FOXRED1: variants seen among roughly 807,000 people sequenced by gnomAD.
FOXRED1 encodes FAD dependent oxidoreductase domain containing 1.
FOXRED1 carries 52 observed loss-of-function variants against 57.8 expected under a neutral mutation model. That is an observed-to-expected ratio of 0.90 (90% confidence interval 0.72 to 1.13). The LOEUF (loss-of-function observed/expected upper bound fraction) is 1.13. Among genes scored for constraint, FOXRED1 ranks in the 50% most tolerant of loss-of-function variants. The probability of loss-of-function intolerance (pLI) is 0.00; values close to 1 mark genes in which losing one functional copy is unlikely to be tolerated. For synonymous variants in FOXRED1, 271 were observed against 248.3 expected (o/e 1.09, Z -0.86); for missense variants, 589 against 625.2 (o/e 0.94, Z 0.62).
In FOXRED1 at chr11:126,273,625, A is replaced by G. The variant is rs1951052597; in HGVS notation, c.536+171A>G. The G allele has an allele frequency of 1.5e-6, 1 of 670,860 alleles. No individual in the cohort carries two copies. The highest frequency in any genetic ancestry group is 1.8e-5 in the African/African-American group (1 of 56,498). 41.6% of individuals were successfully genotyped at this position (670,860 alleles called of 1,614,324 possible). On this transcript the variant is annotated intron_variant, in intron 4 of 10. Coordinates refer to ENST00000263578, the MANE Select transcript of FOXRED1 (RefSeq NM_017547.4). The surrounding 1 kb of genome is among the most constrained non-coding windows in gnomAD (Gnocchi z 5.9). The stretch of plus-strand genomic sequence containing the variant: ...ACCTGCAATGCCCTGGGAGTGCTGT[A>G]CCACAGATATGGACAAAACACTGCG...
intron 1 of FOXRED1, chr11:126,270,809 T>G (rs1323540778): frequency 6.4e-6 from 1 of 157,366 alleles, no homozygotes; most frequent in Non-Finnish European, 1.4e-5. Flanking sequence ...TGTAAACATG[T>G]TCACAGCAGG....
Position 126,274,876 on chromosome 11 carries a change from T to G in FOXRED1, c.537-51T>G, listed in dbSNP as rs1476824737. The G allele has an allele frequency of 2.8e-6, 3 of 1,077,232 alleles. No individual in the cohort carries two copies. In the Admixed American group the frequency reaches 5.1e-5, roughly 18 times the overall value. The allele number at this position is 1,077,232 out of a possible 1,614,324, so 66.7% of individuals were successfully genotyped here. On this transcript the variant is annotated intron_variant, in intron 4 of 10. Transcript: ENST00000263578. The surrounding 1 kb of genome is among the most constrained non-coding windows in gnomAD (Gnocchi z 4.8). ...AGTTGGGGTCCATACATCATCCCCC[T>G]GCACACTCCCCTCTCTGACACACAT... is the stretch of plus-strand genomic sequence containing the variant.
In FOXRED1 at chr11:126,275,282, A is replaced by G. The variant is rs1158750467; in HGVS notation, c.632-45A>G. ...GGCACAGGAAATACAATCCAAGAGCAGAAGTCCTCATCCCTCTTTGTGAGT... is the reference window on the plus strand; with the variant it reads ...GGCACAGGAAATACAATCCAAGAGCGGAAGTCCTCATCCCTCTTTGTGAGT... On this transcript the variant is annotated intron_variant, in intron 5 of 10. Coordinates refer to ENST00000263578, the MANE Select transcript of FOXRED1 (RefSeq NM_017547.4). This position sits in a 1 kb window ranked among gnomAD's most constrained non-coding sequence, Gnocchi z 5.9. The G allele has an allele frequency of 1.5e-6, 2 of 1,362,650 alleles. No homozygotes were observed. Among genetic ancestry groups the G allele is most frequent in the Admixed American group, 1.7e-5 (1 of 59,710 alleles). The allele number at this position is 1,362,650 out of a possible 1,614,324, so 84.4% of individuals were successfully genotyped here.
At chr11:126,276,274 G>A (rs1355681440) in intron 8 of FOXRED1, 55 bp downstream of exon 8, 47 of 127,000 alleles carry the variant, frequency 3.7e-4, no homozygotes, top group Non-Finnish European at 5.2e-4. Context: ...AAATGACATC[G>A]AAGTTGGATA....
chr11:126,273,446 A>G lies in FOXRED1; in HGVS notation c.528A>G (p.Lys176=). Reference sequence around the variant, plus strand: ...CTGCAGCCATGGAGAGCAACGTGAAAGTGCAGAGGTGGGTGCCTGGCACAG... The same window carrying G: ...CTGCAGCCATGGAGAGCAACGTGAAGGTGCAGAGGTGGGTGCCTGGCACAG... ...KDAAAMESNV[K]VQRQEGAKVS... The change falls in exon 4 of 11, where the codon AAA becomes AAG. Residue 176 remains lysine (K), a synonymous_variant. Coordinates refer to ENST00000263578, the MANE Select transcript of FOXRED1 (RefSeq NM_017547.4). The surrounding 1 kb of genome is among the most constrained non-coding windows in gnomAD (Gnocchi z 5.9). 1 of 1,610,898 alleles carries G rather than the reference A, an allele frequency of 6.2e-7. No homozygotes were observed. Among genetic ancestry groups the G allele is most frequent in the East Asian group, 2.2e-5 (1 of 44,882 alleles).
Position 126,273,061 on chromosome 11 carries a change from C to G in FOXRED1, c.399C>G (p.Ser133Arg), listed in dbSNP as rs1174384407. The G allele has an allele frequency of 6.3e-7, 1 of 1,585,306 alleles. No individual in the cohort carries two copies. The highest frequency in any genetic ancestry group is 8.7e-7 in the Non-Finnish European group (1 of 1,153,724). ...TCCAGCTCTCCCTCTTTTCAGCCAG[C>G]TTTCTACGGAACATCAATGTAGGTG... is the stretch of plus-strand genomic sequence containing the variant. ...ENIQLSLFSA[S>R]FLRNINEYLA... Residue 133 changes from serine to arginine, a missense_variant, in exon 3 of 11, where the codon AGC (serine) becomes AGG (arginine). Physicochemically the swap from Ser to Arg is moderately radical, Grantham distance 110. Coordinates refer to ENST00000263578, the MANE Select transcript of FOXRED1 (RefSeq NM_017547.4). This position sits in a 1 kb window ranked among gnomAD's most constrained non-coding sequence, Gnocchi z 5.9.
At position 126,276,068 on chromosome 11, in the gene FOXRED1, G is replaced by T; in HGVS notation, c.820G>T (p.Asp274Tyr). Reference protein sequence around the residue: ...KRIHEVHVKMDRSLEYQPVEC... With the variant: ...KRIHEVHVKMYRSLEYQPVEC... ...CCTCTGGTGTCTGCAGGTGAAGATG[G>T]ACCGCAGCCTGGAGTACCAGCCTGT... is the stretch of plus-strand genomic sequence containing the variant. The change falls in exon 8 of 11, where the codon GAC becomes TAC. Residue 274 changes from aspartate to tyrosine, a missense_variant. By Grantham distance (160) the Asp-to-Tyr change is radical. Transcript: ENST00000263578. 6.2e-7 allele frequency: 1 copy of T among 1,612,870 alleles called. No individual in the cohort carries two copies. Among genetic ancestry groups the T allele is most frequent in the Non-Finnish European group, 8.5e-7 (1 of 1,180,002 alleles).
Position 126,271,941 on chromosome 11 carries a change from A to G in FOXRED1, c.306+284A>G, listed in dbSNP as rs1950998621. The G allele has an allele frequency of 2.4e-6, 1 of 414,898 alleles. No homozygotes were observed. The highest frequency in any genetic ancestry group is 4.5e-6 in the Non-Finnish European group (1 of 222,110). 25.7% of individuals were successfully genotyped at this position (414,898 alleles called of 1,614,324 possible). A position where few individuals can be genotyped will look rare whatever the true frequency, so the allele number is the denominator to read the frequency against. The stretch of plus-strand genomic sequence containing the variant: ...TCATGAGAGCCTGCATTCAAGCTAT[A>G]ATTAAGTGTCTCAATTTTCTCTTTT... On this transcript the variant is annotated intron_variant, in intron 2 of 10. Transcript: ENST00000263578. The surrounding 1 kb of genome is among the most constrained non-coding windows in gnomAD (Gnocchi z 5.3).
intron 1 of FOXRED1, among the ~76,000 whole-genome samples, chr11:126,270,459 G>A (rs634696): frequency 0.73 from 110,695 of 152,190 alleles, 41,325 homozygotes; most frequent in East Asian, 1. Context: ...ACAAACTGCA[G>A]TTGTGTCCAA....
Position 126,273,380 on chromosome 11 carries a change from C to T in FOXRED1, c.462C>T (p.Phe154=). The T allele has an allele frequency of 6.2e-7, 1 of 1,614,032 alleles. No homozygotes were observed. The highest frequency in any genetic ancestry group is 8.5e-7 in the Non-Finnish European group (1 of 1,180,006). The change falls in exon 4 of 11, where the codon TTC becomes TTT. Residue 154 remains phenylalanine (F), a synonymous_variant. Coordinates refer to ENST00000263578, the MANE Select transcript of FOXRED1 (RefSeq NM_017547.4). This position sits in a 1 kb window ranked among gnomAD's most constrained non-coding sequence, Gnocchi z 5.9. ...ATGCTCCTCCCCTGGACCTCCGGTTCAACCCCTCGGGCTACCTCTTGCTGG... is the reference window on the plus strand; with the variant it reads ...ATGCTCCTCCCCTGGACCTCCGGTTTAACCCCTCGGGCTACCTCTTGCTGG... ...VVDAPPLDLR[F]NPSGYLLLAS...
At position 126,277,189 on chromosome 11, in the gene FOXRED1, G is replaced by A; in HGVS notation, c.1206+14G>A. The A allele has an allele frequency of 1.3e-6, 2 of 1,540,300 alleles. No homozygotes were observed. Among genetic ancestry groups the A allele is most frequent in the South Asian group, 1.1e-5 (1 of 89,620 alleles). Reference sequence around the variant, plus strand: ...GAGACTCTGAAGGTAACTGGCAAGGGCTGGTTTTCCTTTTTATTTTTGGAC... The same window carrying A: ...GAGACTCTGAAGGTAACTGGCAAGGACTGGTTTTCCTTTTTATTTTTGGAC... On this transcript the variant is annotated intron_variant, in intron 10 of 10. Transcript: ENST00000263578. This position sits in a 1 kb window ranked among gnomAD's most constrained non-coding sequence, Gnocchi z 6.8.
In FOXRED1 at chr11:126,273,768, C is replaced by G; in HGVS notation, c.536+314C>G. The G allele has an allele frequency of 2.5e-6, 1 of 395,790 alleles. No individual in the cohort carries two copies. The highest frequency in any genetic ancestry group is 2.3e-5 in the South Asian group (1 of 44,090). 24.5% of individuals were successfully genotyped at this position (395,790 alleles called of 1,614,324 possible). On this transcript the variant is annotated intron_variant, in intron 4 of 10. Coordinates refer to ENST00000263578, the MANE Select transcript of FOXRED1 (RefSeq NM_017547.4). The surrounding 1 kb of genome is among the most constrained non-coding windows in gnomAD (Gnocchi z 5.9). ...TGGGTTTTTAACAAGAACCTTAAGT[C>G]AGGAGTTAGCAAACTTTTTCTGTAA...
At chr11:126,276,778 A>G (rs1951161520) in intron 9 of FOXRED1, 2 of 483,310 alleles carry the variant, frequency 4.1e-6, no homozygotes, top group African/African-American at 2.0e-5. Flanking sequence ...TGGGAGGCTG[A>G]GGCAGGAGAA....
In FOXRED1 at chr11:126,275,199, TG is replaced by T; in HGVS notation, c.632-126del. ...TGTCCTTCATCAGGCTTTGTCTCTG[TG>T]GTTCAGTTGGTTAAGATGACCTTCC... On this transcript the variant is annotated intron_variant, in intron 5 of 10. Transcript: ENST00000263578. This position sits in a 1 kb window ranked among gnomAD's most constrained non-coding sequence, Gnocchi z 5.9. The T allele has an allele frequency of 1.2e-6, 1 of 833,674 alleles. No individual in the cohort carries two copies. Among genetic ancestry groups the T allele is most frequent in the Non-Finnish European group, 2.0e-6 (1 of 488,084 alleles). 51.6% of individuals were successfully genotyped at this position (833,674 alleles called of 1,614,324 possible). A position where few individuals can be genotyped will look rare whatever the true frequency, so the allele number is the denominator to read the frequency against.
rs763719921 is a variant in FOXRED1, at chr11:126,271,499, T to C, written c.148T>C (p.Cys50Arg). Reference protein sequence around the residue: ...KIKSILPGRSCDLLQDTSHLP... With the variant: ...KIKSILPGRSRDLLQDTSHLP... ...CAAGTCGATCCTGCCTGGAAGGTCC[T>C]GTGATCTACTGCAAGACACCAGCCA... The change falls in exon 2 of 11, where the codon TGT (cysteine) becomes CGT (arginine). Residue 50 changes from cysteine to arginine, a missense_variant. By Grantham distance (180) the Cys-to-Arg change is radical. Coordinates refer to ENST00000263578, the MANE Select transcript of FOXRED1 (RefSeq NM_017547.4). This position sits in a 1 kb window ranked among gnomAD's most constrained non-coding sequence, Gnocchi z 5.3. 3 of 1,614,194 alleles carry C rather than the reference T, an allele frequency of 1.9e-6. No individual in the cohort carries two copies. In the Admixed American group the frequency reaches 5.0e-5, roughly 27 times the overall value.
Position 126,274,410 on chromosome 11 carries a change from AGGCCAC to A in FOXRED1, c.537-513_537-508del. On this transcript the variant is annotated intron_variant, in intron 4 of 10. Coordinates refer to ENST00000263578, the MANE Select transcript of FOXRED1 (RefSeq NM_017547.4). The surrounding 1 kb of genome is among the most constrained non-coding windows in gnomAD (Gnocchi z 4.8). ...ATGCCTGTAATCCCAGCATTTTGGGAGGCCACGGCAGATGGAACACCTGAGGTCAGG... is the reference window on the plus strand; with the variant it reads ...ATGCCTGTAATCCCAGCATTTTGGGAGGCAGATGGAACACCTGAGGTCAGG... 1 of 192,480 alleles carries A rather than the reference AGGCCAC, an allele frequency of 5.2e-6. No individual in the cohort carries two copies. The highest frequency in any genetic ancestry group is 1.1e-5 in the Non-Finnish European group (1 of 91,226). 11.9% of individuals were successfully genotyped at this position (192,480 alleles called of 1,614,324 possible).
Position 126,273,561 on chromosome 11 carries a change from C to T in FOXRED1, c.536+107C>T, listed in dbSNP as rs1293450261. 2.0e-5 allele frequency: 16 copies of T among 787,124 alleles called. No homozygotes were observed. Among genetic ancestry groups the T allele is most frequent in the South Asian group, 9.5e-5 (7 of 73,634 alleles). 48.8% of individuals were successfully genotyped at this position (787,124 alleles called of 1,614,324 possible). A position where few individuals can be genotyped will look rare whatever the true frequency, so the allele number is the denominator to read the frequency against. On this transcript the variant is annotated intron_variant, in intron 4 of 10. Transcript: ENST00000263578. The surrounding 1 kb of genome is among the most constrained non-coding windows in gnomAD (Gnocchi z 5.9). ...GTGGAGTTGATAAGACAGATCCCTGCGGTCTAGGACCTCAGTGTGTCAGGA... is the reference window on the plus strand; with the variant it reads ...GTGGAGTTGATAAGACAGATCCCTGTGGTCTAGGACCTCAGTGTGTCAGGA...
intron 1 of FOXRED1, 35 bp downstream of exon 1, chr11:126,269,326 T>G: frequency 6.2e-7 from 1 of 1,613,992 alleles, no homozygotes; most frequent in Non-Finnish European, 8.5e-7. Context: ...ATTGTGGTTC[T>G]GGGTTGTCCC....
chr11:126,274,984 CT>C lies in FOXRED1; in HGVS notation c.595del (p.Trp199GlyfsTer2), dbSNP rs1170463232. On this transcript the variant is annotated frameshift_variant, in exon 5 of 11. Coordinates refer to ENST00000263578, the MANE Select transcript of FOXRED1 (RefSeq NM_017547.4). LOFTEE classifies it high-confidence loss of function. The surrounding 1 kb of genome is among the most constrained non-coding windows in gnomAD (Gnocchi z 4.8). ...SPDQLRNKFP[W>X]INTEGVALAS... is the part of the protein sequence containing the mutation. ...CTGATCAGCTTCGGAACAAGTTTCC[CT>C]GGATAAACACAGAGGGAGTGGCTTT... 1.2e-6 allele frequency: 2 copies of C among 1,613,634 alleles called. No individual in the cohort carries two copies. The highest frequency in any genetic ancestry group is 2.7e-5 in the African/African-American group (2 of 74,874).
Sources: gnomAD v4.1 joint callset for allele counts (sites outside exome capture counted in the v4.1 genomes callset) on GRCh38, gnomAD v4.1.1 for gene constraint, Gnocchi (gnomAD v3.1) non-coding constraint, MANE v1.5 for transcripts, NCBI Gene and HGNC (gene_info 2026-07-23, HGNC 2026-07-21) for gene names.